Variants in SSMEM1 observed in about 807,000 individuals in gnomAD.
SSMEM1 encodes serine-rich single-pass membrane protein 1.
In SSMEM1, 12 loss-of-function variants were observed where a neutral mutation model predicts 9.9. The observed-to-expected ratio is 1.21, with a 90% CI of 0.78 to 1.96. The LOEUF is 1.96. Ranked by LOEUF, SSMEM1 falls within the 30% of genes most tolerant of loss-of-function variation. The probability of loss-of-function intolerance (pLI) is 0.00; values close to 1 mark genes in which losing one functional copy is unlikely to be tolerated. For missense variants in SSMEM1, 259 were observed against 292.2 expected (o/e 0.89, Z 0.83); for synonymous variants, 96 against 98.9 (o/e 0.97, Z 0.17).
chr7:130,212,698 C>T (rs1202830219), intron 1 of SSMEM1, among the ~76,000 whole-genome samples: 1 of 151,496 alleles, frequency 6.6e-6, no homozygotes, highest in South Asian at 2.1e-4. Context: ...GTACTCTAGC[C>T]TGGGCATACA....
At chr7:130,209,867 C>T (rs139821290) in intron 1 of SSMEM1, among the ~76,000 whole-genome samples, 1 of 152,198 alleles carries the variant, frequency 6.6e-6, no homozygotes, top group African/African-American at 2.4e-5. Flanking sequence ...CGTGAGCCAC[C>T]ACGCCTGGCC....
chr7:130,211,311 C>T (rs1304323720), intron 1 of SSMEM1, among the ~76,000 whole-genome samples: 2 of 152,042 alleles, frequency 1.3e-5, no homozygotes, highest in Admixed American at 1.3e-4. Flanking sequence ...GCACCCACCA[C>T]CACACCCGGC....
At chr7:130,214,205 C>G (rs1312826264) in intron 2 of SSMEM1, among the ~76,000 whole-genome samples, 1 of 152,108 alleles carries the variant, frequency 6.6e-6, no homozygotes, top group African/African-American at 2.4e-5. Context: ...TGCTTGAGGC[C>G]AGGAGTTCAA....
intron 2 of SSMEM1, among the ~76,000 whole-genome samples, 167 bp downstream of exon 2, chr7:130,213,701 A>C (rs1798644673): frequency 6.7e-6 from 1 of 148,568 alleles, no homozygotes; most frequent in Non-Finnish European, 1.5e-5. Flanking sequence ...CCAAAAAAAA[A>C]AAAAAAAAAA....
chr7:130,214,905 C>T (rs921268699), intron 2 of SSMEM1, among the ~76,000 whole-genome samples: 8 of 152,316 alleles, frequency 5.3e-5, no homozygotes, highest in Non-Finnish European at 1.0e-4. Context: ...TTAGTGTCTG[C>T]TGATTTTCGT....
intron 1 of SSMEM1, among the ~76,000 whole-genome samples, chr7:130,209,296 T>A (rs1413066872): frequency 6.6e-6 from 1 of 152,234 alleles, no homozygotes; most frequent in Non-Finnish European, 1.5e-5. Context: ...CTTAATGCTC[T>A]ATGAGCTCGG....
At chr7:130,207,642 C>A, upstream of SSMEM1, 3 of 510,818 alleles carry the variant, frequency 5.9e-6, no homozygotes, top group Non-Finnish European at 7.2e-6. Flanking sequence ...GAAAATATAG[C>A]ATATACAAGT....
chr7:130,215,900 A>T, intron 2 of SSMEM1, 74 bp from the exon 3 acceptor site: 2 of 1,553,558 alleles, frequency 1.3e-6, no homozygotes, highest in Non-Finnish European at 1.7e-6. Flanking sequence ...TCACACGTGC[A>T]CAGGCTTCTT....
upstream of SSMEM1, chr7:130,205,488 AG>A (rs976152507): frequency 2.6e-6 from 4 of 1,546,058 alleles, no homozygotes; most frequent in African/African-American, 4.1e-5. Context: ...AGAACTAGGT[AG>A]TCTCTTCTCG....
intron 1 of SSMEM1, among the ~76,000 whole-genome samples, chr7:130,213,251 G>A (rs2117060696): frequency 6.6e-6 from 1 of 152,170 alleles, no homozygotes; most frequent in Non-Finnish European, 1.5e-5. Context: ...GGGAGGCCGA[G>A]GCAGGAGAAT....
chr7:130,213,204 C>T (rs921602251), intron 1 of SSMEM1, among the ~76,000 whole-genome samples: 5 of 151,930 alleles, frequency 3.3e-5, no homozygotes, highest in Admixed American at 6.6e-5. Context: ...AAAAATTAGC[C>T]GGGCGTGGTA....
intron 2 of SSMEM1, among the ~76,000 whole-genome samples, chr7:130,214,556 C>T (rs1262744957): frequency 2.0e-5 from 3 of 152,194 alleles, no homozygotes; most frequent in Non-Finnish European, 4.4e-5. Context: ...TTGCCAGACC[C>T]TTGCACCTTA....
Position 130,208,039 on chromosome 7 carries a change from T to C in SSMEM1, c.129T>C (p.Leu43=), listed in dbSNP as rs1562905074. 1.2e-6 allele frequency: 2 copies of C among 1,614,050 alleles called. No homozygotes were observed. Among genetic ancestry groups the C allele is most frequent in the Non-Finnish European group, 8.5e-7 (1 of 1,179,964 alleles). The part of the protein sequence containing the change: ...DSCGTIGSFL[L]WYFVIVFVLM... ...GTGGAACCATAGGGAGCTTCCTGCT[T>C]TGGTATTTTGTTATCGTATTTGTCC... Residue 43 remains leucine, a synonymous_variant, in exon 1 of 3, where the codon CTT becomes CTC. Transcript: ENST00000297819.
At chr7:130,205,461 G>A, upstream of SSMEM1, 2 of 1,603,624 alleles carry the variant, frequency 1.2e-6, no homozygotes, top group South Asian at 2.2e-5. Flanking sequence ...CCGGCAAGCG[G>A]CTCTAAAGTT....
At position 130,216,486 on chromosome 7, in the gene SSMEM1, TC is replaced by T. The variant is rs2117067624; in HGVS notation, c.*18del. 1 of 1,604,970 alleles carries T rather than the reference TC, an allele frequency of 6.2e-7. No homozygotes were observed. The highest frequency in any genetic ancestry group is 2.2e-5 in the East Asian group (1 of 44,688). ...TAAATTTTGAATTTTATCACGTTCT[TC>T]CTTCACTTGAAGCCAAATGAAAGAG... On this transcript the variant is annotated 3_prime_UTR_variant, in exon 3 of 3. Transcript: ENST00000297819.
At chr7:130,211,542 CATTAAAGATGCT>C (rs928320873) in intron 1 of SSMEM1, among the ~76,000 whole-genome samples, 3 of 152,136 alleles carry the variant, frequency 2.0e-5, no homozygotes, top group African/African-American at 7.2e-5. Flanking sequence ...AAAGGCACCT[CATTAAAGATGCT>C]TGCCTACCAT....
intron 2 of SSMEM1, 35 bp from the exon 3 acceptor site, chr7:130,215,939 A>C (rs756921741): frequency 1.1e-5 from 18 of 1,602,944 alleles, no homozygotes; most frequent in Non-Finnish European, 1.5e-5. Flanking sequence ...GTAACCAACA[A>C]TATTACTAAC....
intron 1 of SSMEM1, among the ~76,000 whole-genome samples, chr7:130,208,468 TTTAAA>T (rs1798530383): frequency 2.6e-5 from 4 of 152,242 alleles, no homozygotes; most frequent in African/African-American, 9.6e-5. Context: ...GAAATACTTC[TTTAAA>T]TTATATTCAC....
Position 130,216,267 on chromosome 7 carries a change from A to T in SSMEM1, c.532A>T (p.Arg178Trp), listed in dbSNP as rs755089361. The T allele has an allele frequency of 6.2e-7, 1 of 1,614,188 alleles. No homozygotes were observed. Among genetic ancestry groups the T allele is most frequent in the South Asian group, 1.1e-5 (1 of 91,086 alleles). ...CCACCCATCACCAGACAGTATTAAG[A>T]GGAGAAAAATGGCTCAGAGGCAAAG... ...EHHPSPDSIK[R>W]RKMAQRQRNL... The change falls in exon 3 of 3, where the codon AGG becomes TGG. Residue 178 changes from arginine (R) to tryptophan (W), a missense_variant. Coordinates refer to ENST00000297819, the MANE Select transcript of SSMEM1 (RefSeq NM_145268.4).
Sources: allele counts gnomAD v4.1 joint callset (sites outside exome capture counted in the v4.1 genomes callset), GRCh38; gene constraint gnomAD v4.1.1; transcripts MANE v1.5; gene names NCBI Gene and HGNC (gene_info 2026-07-23, HGNC 2026-07-21).